Variants in SLC6A2 observed in about 807,000 individuals in gnomAD.
The protein encoded by SLC6A2 is solute carrier family 6 member 2.
SLC6A2 carries 26 observed loss-of-function variants against 71.7 expected under a neutral mutation model. The ratio of observed to expected loss-of-function variants is 0.36; its 90% CI spans 0.27 to 0.50. The LOEUF (loss-of-function observed/expected upper bound fraction) is 0.50. Among genes scored for constraint, SLC6A2 ranks in the 20% least tolerant of loss-of-function variants. The pLI, the probability that SLC6A2 is intolerant of heterozygous loss-of-function variation, is 0.96. For missense variants in SLC6A2, 581 were observed against 803.9 expected, an observed-to-expected ratio of 0.72 and a Z score of 3.35; for synonymous variants, 363 against 337.9, an observed-to-expected ratio of 1.07 and a Z score of -0.82.
intron 3 of SLC6A2, 55 bp downstream of exon 3, chr16:55,669,751 C>T: frequency 6.3e-7 from 1 of 1,593,340 alleles, no homozygotes; most frequent in Non-Finnish European, 8.6e-7. Context: ...CCCTGTTGCC[C>T]TTGGGGAATC....
Position 55,656,791 on chromosome 16 carries a change from C to T in SLC6A2, c.97C>T (p.Leu33=). Residue 33 remains leucine (L), a synonymous_variant, in exon 2 of 15, where the codon CTG becomes TTG. Coordinates refer to ENST00000568943, the MANE Select transcript of SLC6A2 (RefSeq NM_001172501.3). This position sits in a 1 kb window ranked among gnomAD's most constrained non-coding sequence, Gnocchi z 4.5. ...CCTTCGGGCGCGCAAAACTGCGGAG[C>T]TGCTGGTGGTGAAGGAGCGCAACGG... ...QPLRARKTAE[L]LVVKERNGVQ... 1 of 1,613,412 alleles carries T rather than the reference C, an allele frequency of 6.2e-7. No homozygotes were observed. The highest frequency in any genetic ancestry group is 8.5e-7 in the Non-Finnish European group (1 of 1,179,798).
chr16:55,684,796 C>G (rs978043650), intron 4 of SLC6A2, among the ~76,000 whole-genome samples: 2 of 152,342 alleles, frequency 1.3e-5, no homozygotes, highest in Admixed American at 6.5e-5. Flanking sequence ...GAGAACTGCT[C>G]TTTATAGTGT....
Position 55,692,071 on chromosome 16 carries a change from C to T in SLC6A2, c.918+19C>T, listed in dbSNP as rs1965651303. ...GGCCACGGTCAGTGCTCAGTGACCA[C>T]CAAGCCTTGGGCCAGGCTTGTGGGA... On this transcript the variant is annotated intron_variant, in intron 6 of 14. Coordinates refer to ENST00000568943, the MANE Select transcript of SLC6A2 (RefSeq NM_001172501.3). 1 of 1,613,922 alleles carries T rather than the reference C, an allele frequency of 6.2e-7. No individual in the cohort carries two copies. Among genetic ancestry groups the T allele is most frequent in the Non-Finnish European group, 8.5e-7 (1 of 1,179,842 alleles).
At position 55,695,344 on chromosome 16, in the gene SLC6A2, C is replaced by T. The variant is rs1567454769; in HGVS notation, c.1089C>T (p.Ser363=). 6.2e-7 allele frequency: 1 copy of T among 1,614,210 alleles called. No individual in the cohort carries two copies. The highest frequency in any genetic ancestry group is 8.5e-7 in the Non-Finnish European group (1 of 1,180,012). ...TCGTCTCTGGGTTCGCCATCTTCTC[C>T]ATCCTTGGTTACATGGCCCATGAAC... is the stretch of plus-strand genomic sequence containing the variant. ...TSFVSGFAIF[S]ILGYMAHEHK... The change falls in exon 8 of 15, where the codon TCC becomes TCT. Residue 363 remains serine, a synonymous_variant. Coordinates refer to ENST00000568943, the MANE Select transcript of SLC6A2 (RefSeq NM_001172501.3).
In SLC6A2 at chr16:55,700,131, A is replaced by G. The variant is rs375877522; in HGVS notation, c.1591-8A>G. ...CTTCCTTTCTCTCCCTTCTCTGCCC[A>G]TCTCTAGTTCGTGGTTGTGGTCAGC... is the stretch of plus-strand genomic sequence containing the variant. On this transcript the variant is annotated splice_polypyrimidine_tract_variant and splice_region_variant and intron_variant, in intron 12 of 14. Transcript: ENST00000568943. 93 of 1,611,882 alleles carry G rather than the reference A, an allele frequency of 5.8e-5. No homozygotes were observed. Among genetic ancestry groups the G allele is most frequent in the Middle Eastern group, 1.6e-4 (1 of 6,084 alleles).
chr16:55,673,049 C>T (rs529371545), intron 4 of SLC6A2, among the ~76,000 whole-genome samples: 2 of 152,288 alleles, frequency 1.3e-5, no homozygotes, highest in African/African-American at 4.8e-5. Flanking sequence ...CACCAATTTT[C>T]CCACTCATGT....
At chr16:55,683,470 G>A (rs1366007652) in intron 4 of SLC6A2, among the ~76,000 whole-genome samples, 4 of 152,024 alleles carry the variant, frequency 2.6e-5, no homozygotes, top group South Asian at 2.1e-4. Flanking sequence ...AAATTTAGCC[G>A]AGTATGATGG....
At chr16:55,671,796 T>A in intron 3 of SLC6A2, 142 bp from the exon 4 acceptor site, 5 of 1,481,498 alleles carry the variant, frequency 3.4e-6, no homozygotes, top group Non-Finnish European at 4.5e-6. Context: ...AGGTCACTGG[T>A]GCTGAAAAGG....
intron 3 of SLC6A2, among the ~76,000 whole-genome samples, chr16:55,670,492 A>G (rs1323167613): frequency 6.6e-6 from 1 of 152,214 alleles, no homozygotes. Context: ...GTTACAGTAA[A>G]GTCCGGGGAT....
intron 6 of SLC6A2, 128 bp downstream of exon 6, chr16:55,692,180 CCT>C (rs1965654673): frequency 3.5e-6 from 4 of 1,128,480 alleles, no homozygotes; most frequent in Non-Finnish European, 5.3e-6. Flanking sequence ...AGGATCCTTC[CCT>C]GTCTGAGGTG....
At chr16:55,671,900 C>T in intron 3 of SLC6A2, 38 bp from the exon 4 acceptor site, 1 of 1,613,380 alleles carries the variant, frequency 6.2e-7, no homozygotes, top group South Asian at 1.1e-5. Context: ...TGGGGCTGGG[C>T]CTGGGAGACT....
At chr16:55,670,413 AC>A (rs1374641516) in intron 3 of SLC6A2, among the ~76,000 whole-genome samples, 4 of 152,146 alleles carry the variant, frequency 2.6e-5, no homozygotes, top group African/African-American at 9.7e-5. Flanking sequence ...TGCATTCGTT[AC>A]TTTTTTTGTT....
At chr16:55,660,421 C>G (rs1964579904) in intron 2 of SLC6A2, among the ~76,000 whole-genome samples, 1 of 152,220 alleles carries the variant, frequency 6.6e-6, no homozygotes, top group African/African-American at 2.4e-5. Context: ...CTCCTTCTCT[C>G]ACTTACCCCT....
chr16:55,690,556 A>G (rs1005797558), intron 5 of SLC6A2, among the ~76,000 whole-genome samples: 1 of 152,090 alleles, frequency 6.6e-6, no homozygotes, highest in African/African-American at 2.4e-5. Context: ...AGGCCTTCTC[A>G]TGTTTCAGCT....
intron 2 of SLC6A2, among the ~76,000 whole-genome samples, chr16:55,663,093 A>G (rs1422187556): frequency 6.6e-6 from 1 of 152,146 alleles, no homozygotes; most frequent in Non-Finnish European, 1.5e-5. Flanking sequence ...CACTGTCTAT[A>G]AATCAGGGTT....
intron 3 of SLC6A2, among the ~76,000 whole-genome samples, chr16:55,671,418 G>A (rs553938596): frequency 6.6e-6 from 1 of 152,284 alleles, no homozygotes; most frequent in Non-Finnish European, 1.5e-5. Context: ...AGAGATGGCA[G>A]GGGCCTATGG....
At chr16:55,687,896 C>T (rs1965504168) in intron 5 of SLC6A2, among the ~76,000 whole-genome samples, 1 of 152,160 alleles carries the variant, frequency 6.6e-6, no homozygotes, top group African/African-American at 2.4e-5. Context: ...CAAAATACAC[C>T]TTCAGAGAAG....
chr16:55,674,414 ATTTTCT>A (rs1201314334), intron 4 of SLC6A2, among the ~76,000 whole-genome samples: 33 of 149,316 alleles, frequency 2.2e-4, no homozygotes, highest in Admixed American at 2.1e-3. Flanking sequence ...TATGTACCAC[ATTTTCT>A]TTTTCTTTTT....
At chr16:55,662,198 T>G (rs1964628484) in intron 2 of SLC6A2, among the ~76,000 whole-genome samples, 1 of 152,210 alleles carries the variant, frequency 6.6e-6, no homozygotes. Flanking sequence ...CTGACAAGAT[T>G]GGGATTTAAT....
Sources: allele counts gnomAD v4.1 joint callset (sites outside exome capture counted in the v4.1 genomes callset), GRCh38; gene constraint gnomAD v4.1.1; non-coding constraint Gnocchi (gnomAD v3.1); transcripts MANE v1.5; gene names NCBI Gene and HGNC (gene_info 2026-07-23, HGNC 2026-07-21).